NRXN1: variants seen among roughly 807,000 people sequenced by gnomAD.
NRXN1 encodes the protein neurexin-1.
Under a neutral mutation model 150.9 loss-of-function variants are expected in NRXN1, and 39 were observed. That is an observed-to-expected ratio of 0.26 (90% CI 0.20 to 0.34). The LOEUF (loss-of-function observed/expected upper bound fraction) is 0.34, where lower values mean the gene tolerates loss of function less well. NRXN1 is among the 10% of genes least tolerant of loss of function. NRXN1 has a pLI of 1.00. For missense variants in NRXN1, 1,815 were observed against 1,949.9 expected (o/e 0.93, Z 1.30); for synonymous variants, 924 against 757.0 (o/e 1.22, Z -3.62).
intron 17 of NRXN1, among the ~76,000 whole-genome samples, chr2:50,326,051 T>C (rs2076364911): frequency 6.6e-6 from 1 of 152,232 alleles, no homozygotes; most frequent in Non-Finnish European, 1.5e-5. Context: ...GTAAGCATTT[T>C]ACTTCTTGCA....
chr2:50,426,435 A>T (rs964182492), intron 17 of NRXN1, among the ~76,000 whole-genome samples: 6 of 152,178 alleles, frequency 3.9e-5, no homozygotes, highest in Non-Finnish European at 4.4e-5. Flanking sequence ...CCTAAATTTG[A>T]TGTATTTTAT....
chr2:50,609,693 T>C (rs899546289), intron 8 of NRXN1, among the ~76,000 whole-genome samples: 14 of 152,072 alleles, frequency 9.2e-5, no homozygotes, highest in African/African-American at 3.1e-4. Context: ...GAGTTATCTA[T>C]AAAAAGTTAT....
intron 9 of NRXN1, among the ~76,000 whole-genome samples, chr2:50,542,484 G>C (rs1359292227): frequency 6.6e-6 from 1 of 152,176 alleles, no homozygotes; most frequent in Non-Finnish European, 1.5e-5. Context: ...TATGCAAACA[G>C]ACATCATAGG....
chr2:50,770,350 TGATA>T (rs900151105), intron 5 of NRXN1, among the ~76,000 whole-genome samples: 12 of 151,788 alleles, frequency 7.9e-5, no homozygotes, highest in African/African-American at 2.4e-4. Flanking sequence ...ATATGATAGA[TGATA>T]GATAGATTTT....
At chr2:50,662,838 A>T (rs1392529109) in intron 5 of NRXN1, among the ~76,000 whole-genome samples, 2 of 152,014 alleles carry the variant, frequency 1.3e-5, no homozygotes, top group Non-Finnish European at 1.5e-5. Flanking sequence ...GGACACTAGC[A>T]CTGAAGGTGT....
At chr2:50,263,809 T>A (rs1359101758) in intron 17 of NRXN1, among the ~76,000 whole-genome samples, 1 of 152,140 alleles carries the variant, frequency 6.6e-6, no homozygotes, top group Non-Finnish European at 1.5e-5. Flanking sequence ...GGGTGGCAGC[T>A]ACATTCAAAG....
intron 9 of NRXN1, among the ~76,000 whole-genome samples, chr2:50,551,068 AGAAGAAGAG>A (rs1250855625): frequency 3.1e-5 from 4 of 128,154 alleles, no homozygotes; most frequent in African/African-American, 1.2e-4. Context: ...AAGAAGAAGA[AGAAGAAGAG>A]GAGGAGGAGG....
intron 17 of NRXN1, among the ~76,000 whole-genome samples, chr2:50,308,770 G>C (rs968152622): frequency 1.1e-4 from 16 of 152,110 alleles, no homozygotes; most frequent in African/African-American, 3.9e-4. Context: ...TCATTGACAG[G>C]CATCATACAT....
At chr2:50,522,134 G>A (rs547729495) in intron 12 of NRXN1, among the ~76,000 whole-genome samples, 2 of 152,232 alleles carry the variant, frequency 1.3e-5, no homozygotes, top group East Asian at 1.9e-4. Context: ...AGTGGGGTAT[G>A]TTTAGAAGCA....
intron 2 of NRXN1, among the ~76,000 whole-genome samples, chr2:50,998,765 T>C (rs1272649471): frequency 1.3e-5 from 2 of 152,062 alleles, no homozygotes; most frequent in East Asian, 1.9e-4. Context: ...ATTTTATAAA[T>C]TTTGGTACAA....
chr2:50,101,718 A>C (rs937850886), intron 18 of NRXN1, among the ~76,000 whole-genome samples: 24 of 152,060 alleles, frequency 1.6e-4, no homozygotes, highest in African/African-American at 5.3e-4. Context: ...CATAAGCTAC[A>C]TACAGTAAAC....
intron 2 of NRXN1, among the ~76,000 whole-genome samples, chr2:51,006,686 A>C (rs2105146955): frequency 6.6e-6 from 1 of 152,074 alleles, no homozygotes; most frequent in African/African-American, 2.4e-5. Context: ...AGGTTTACAA[A>C]GCTTAGTTTC....
intron 5 of NRXN1, among the ~76,000 whole-genome samples, chr2:50,714,476 C>G (rs1695602823): frequency 6.6e-6 from 1 of 152,096 alleles, no homozygotes; most frequent in East Asian, 1.9e-4. Context: ...CTCAGTTCAT[C>G]TTGGAACTGA....
intron 19 of NRXN1, among the ~76,000 whole-genome samples, chr2:50,087,048 G>A (rs1195923775): frequency 6.6e-6 from 1 of 152,080 alleles, no homozygotes; most frequent in Non-Finnish European, 1.5e-5. Flanking sequence ...ATGAATGCAT[G>A]CTTGAAAAGA....
chr2:50,166,279 ATGTGTGTGTGTGTGTGTGTGTG>A (rs70946894), intron 18 of NRXN1, among the ~76,000 whole-genome samples: 1 of 131,502 alleles, frequency 7.6e-6, no homozygotes, highest in South Asian at 2.6e-4. Context: ...TACTCAACGT[ATGTGTGTGTGTGTGTGTGTGTG>A]TGTGTGTGTG....
intron 5 of NRXN1, among the ~76,000 whole-genome samples, chr2:50,635,753 T>C (rs1250495433): frequency 6.6e-6 from 1 of 152,164 alleles, no homozygotes; most frequent in Non-Finnish European, 1.5e-5. Context: ...CCGTCACTGC[T>C]TAGGTAGATA....
At chr2:50,540,883 A>C (rs755968724) in intron 9 of NRXN1, among the ~76,000 whole-genome samples, 5 of 152,134 alleles carry the variant, frequency 3.3e-5, no homozygotes, top group Non-Finnish European at 7.4e-5. Context: ...GTTGGTCTTG[A>C]ATTCATGGCC....
chr2:50,516,877 C>T (rs2092647087), intron 12 of NRXN1, among the ~76,000 whole-genome samples: 2 of 152,144 alleles, frequency 1.3e-5, no homozygotes. Flanking sequence ...TAAAGTCAGA[C>T]ATTCAGCTTG....
chr2:50,180,005 G>A (rs374182870), intron 18 of NRXN1, among the ~76,000 whole-genome samples: 1 of 151,954 alleles, frequency 6.6e-6, no homozygotes, highest in African/African-American at 2.4e-5. Flanking sequence ...ATTGCCAAAA[G>A]GAATTTTTAA....
Sources: allele counts gnomAD v4.1 joint callset (sites outside exome capture counted in the v4.1 genomes callset), GRCh38; gene constraint gnomAD v4.1.1; transcripts MANE v1.5; gene names NCBI Gene and HGNC (gene_info 2026-07-23, HGNC 2026-07-21).